The following SVEP1 variants were observed in gnomAD, a reference collection of about 807,000 sequenced individuals.
The protein encoded by SVEP1 is sushi, von Willebrand factor type A, EGF and pentraxin domain-containing protein 1.
SVEP1 carries 164 observed loss-of-function variants against 367.3 expected under a neutral mutation model. The ratio of observed to expected loss-of-function variants is 0.45; its 90% CI spans 0.39 to 0.51. The LOEUF (loss-of-function observed/expected upper bound fraction) is 0.51. Among genes scored for constraint, SVEP1 ranks in the 20% least tolerant of loss-of-function variants. The probability of loss-of-function intolerance (pLI) is 0.00; values close to 1 mark genes in which losing one functional copy is unlikely to be tolerated. For missense variants in SVEP1, 4,117 were observed against 4,425.3 expected (o/e 0.93, Z 1.98); for synonymous variants, 1,666 against 1,611.6 (o/e 1.03, Z -0.81).
rs539530113 is a variant in SVEP1, at chr9:110,424,968, C to G, written c.5975+2623G>C. ...GGATTACAGGCGTGAGCCACCACGT[C>G]CAGCCTAATTTTTGCATTTCTATTT... On this transcript the variant is annotated intron_variant, in intron 36 of 47. Transcript: ENST00000374469. 2.0e-5 allele frequency among the ~76,000 whole-genome samples: 3 copies of G among 152,292 alleles called. No homozygotes were observed. The East Asian group carries it at 5.8e-4, about 29-fold the overall frequency.
At chr9:110,505,224 T>C (rs1829605976) in intron 5 of SVEP1, among the ~76,000 whole-genome samples, 1 of 152,162 alleles carries the variant, frequency 6.6e-6, no homozygotes, top group Non-Finnish European at 1.5e-5. Context: ...ACGATGTCTG[T>C]GTTCTGAGTT....
intron 26 of SVEP1, among the ~76,000 whole-genome samples, chr9:110,444,189 G>A (rs559078100): frequency 1.3e-5 from 2 of 152,280 alleles, no homozygotes; most frequent in East Asian, 3.9e-4. Context: ...TGCTGCTATG[G>A]TTTGAATATT....
Position 110,405,257 on chromosome 9 carries a change from A to G in SVEP1, c.9441-705T>C, listed in dbSNP as rs868849466. The stretch of plus-strand genomic sequence containing the variant: ...TAGGAATACAGCATAATTAATATGT[A>G]TTATGAATACCTACATGGACTCAGA... On this transcript the variant is annotated intron_variant, in intron 38 of 47. Coordinates refer to ENST00000374469, the MANE Select transcript of SVEP1 (RefSeq NM_153366.4). 5.0e-4 allele frequency among the ~76,000 whole-genome samples: 75 copies of G among 150,316 alleles called. No homozygotes were observed. In the Middle Eastern group the frequency reaches 0.01, roughly 21 times the overall value.
At chr9:110,380,347 AAAAGATCAC>A (rs1827415392) in intron 43 of SVEP1, among the ~76,000 whole-genome samples, 2 of 152,190 alleles carry the variant, frequency 1.3e-5, no homozygotes, top group Admixed American at 1.3e-4. Flanking sequence ...GCCGGCGTCT[AAAAGATCAC>A]TTTGTTGTCA....
chr9:110,382,872 T>C (rs1338343239), intron 43 of SVEP1, among the ~76,000 whole-genome samples: 1 of 152,192 alleles, frequency 6.6e-6, no homozygotes, highest in Non-Finnish European at 1.5e-5. Flanking sequence ...CTTGTTGCAT[T>C]GTGAAGTTCT....
chr9:110,561,193 A>G (rs1319687595), intron 1 of SVEP1, among the ~76,000 whole-genome samples: 1 of 152,080 alleles, frequency 6.6e-6, no homozygotes, highest in African/African-American at 2.4e-5. Flanking sequence ...CTCTGCTTGG[A>G]AATTCTTAAC....
intron 1 of SVEP1, 135 bp from the exon 2 acceptor site, chr9:110,550,239 T>A: frequency 8.4e-7 from 1 of 1,185,502 alleles, no homozygotes; most frequent in Non-Finnish European, 1.2e-6. Flanking sequence ...CTAGTCAGAG[T>A]AAAACAGAAA....
At chr9:110,477,103 T>C (rs12000778) in intron 13 of SVEP1, among the ~76,000 whole-genome samples, 1 of 152,200 alleles carries the variant, frequency 6.6e-6, no homozygotes, top group African/African-American at 2.4e-5. Flanking sequence ...CCTTTCCCTC[T>C]TCTCTCTTGT....
At chr9:110,470,699 G>A (rs7020788) in intron 16 of SVEP1, among the ~76,000 whole-genome samples, 60,876 of 151,210 alleles carry the variant, frequency 0.4, 12,535 homozygotes, top group African/African-American at 0.48. Flanking sequence ...GCCTCCCAAA[G>A]TGCTGGGATT....
intron 1 of SVEP1, among the ~76,000 whole-genome samples, chr9:110,565,879 C>CT (rs1564178063): frequency 6.6e-6 from 1 of 152,020 alleles, no homozygotes; most frequent in African/African-American, 2.4e-5. Context: ...AGAGGTAGTT[C>CT]TGCATGGTGG....
intron 32 of SVEP1, among the ~76,000 whole-genome samples, chr9:110,430,883 G>C (rs1179898338): frequency 6.6e-6 from 1 of 152,124 alleles, no homozygotes; most frequent in Non-Finnish European, 1.5e-5. Flanking sequence ...CCCAAATAGA[G>C]TATGGGCTCT....
rs183387559 is a variant in SVEP1, at chr9:110,438,584, G to A, written c.4640-2080C>T. ...ATTAAACGGCCCCTTATTACTGGAT[G>A]TTGGCCTTGTTTCTAAGTTTAATAC... is the stretch of plus-strand genomic sequence containing the variant. On this transcript the variant is annotated intron_variant, in intron 27 of 47. Coordinates refer to ENST00000374469, the MANE Select transcript of SVEP1 (RefSeq NM_153366.4). 4.6e-3 allele frequency among the ~76,000 whole-genome samples: 693 copies of A among 152,292 alleles called. 3 individuals carry two copies. The highest frequency in any genetic ancestry group is 0.014 in the Middle Eastern group (4 of 294).
At chr9:110,566,538 C>T (rs1830496180) in intron 1 of SVEP1, among the ~76,000 whole-genome samples, 1 of 151,936 alleles carries the variant, frequency 6.6e-6, no homozygotes, top group African/African-American at 2.4e-5. Flanking sequence ...GTAGATAAAC[C>T]AATTACAATG....
rs777526903 is a variant in SVEP1, at chr9:110,379,368, T to C, written c.10387A>G (p.Thr3463Ala). 1.2e-6 allele frequency: 2 copies of C among 1,613,694 alleles called. No individual in the cohort carries two copies. The highest frequency in any genetic ancestry group is 1.7e-6 in the Non-Finnish European group (2 of 1,179,746). ...TTACCTCTGCAAATAGGAGGTGATG[T>C]CCATGTTCCATTTTCTAAACAAACA... ...RSVCLENGTW[T>A]SPPICRAVCR... The change falls in exon 44 of 48, where the codon ACA becomes GCA. Residue 3463 changes from threonine (T) to alanine (A), a missense_variant. Physicochemically the swap from Thr to Ala is moderately conservative, Grantham distance 58. Transcript: ENST00000374469.
At chr9:110,388,658 T>A (rs1396967054) in intron 41 of SVEP1, among the ~76,000 whole-genome samples, 1 of 152,020 alleles carries the variant, frequency 6.6e-6, no homozygotes, top group African/African-American at 2.4e-5. Flanking sequence ...TGAAACCACA[T>A]AGGGAGCTTT....
intron 17 of SVEP1, 24 bp downstream of exon 17, chr9:110,468,916 T>G (rs910352145): frequency 6.6e-7 from 1 of 1,514,962 alleles, no homozygotes; most frequent in Non-Finnish European, 8.9e-7. Context: ...CTGCTTCTAG[T>G]TGAAATGTCC....
chr9:110,390,286 C>T (rs1156256205), intron 40 of SVEP1, among the ~76,000 whole-genome samples: 2,838 of 38,840 alleles, frequency 0.073, 242 homozygotes, highest in Non-Finnish European at 0.099. Context: ...TATATATATA[C>T]ATACTTATAT....
chr9:110,372,592 T>C (rs1171397617), intron 46 of SVEP1, among the ~76,000 whole-genome samples: 1 of 152,182 alleles, frequency 6.6e-6, no homozygotes, highest in Admixed American at 6.5e-5. Context: ...TTTATAGAAA[T>C]GGAATGTTAG....
At chr9:110,401,193 G>A (rs1248469907) in intron 39 of SVEP1, among the ~76,000 whole-genome samples, 184 bp from the exon 40 acceptor site, 1 of 151,988 alleles carries the variant, frequency 6.6e-6, no homozygotes, top group Non-Finnish European at 1.5e-5. Context: ...ATTATTAGAT[G>A]GTCTTAATAG....
Sources: allele counts gnomAD v4.1 joint callset (sites outside exome capture counted in the v4.1 genomes callset), GRCh38; gene constraint gnomAD v4.1.1; transcripts MANE v1.5; gene names NCBI Gene and HGNC (gene_info 2026-07-23, HGNC 2026-07-21).